ZNF33A: variants seen among roughly 807,000 people sequenced by gnomAD.
The protein encoded by ZNF33A is zinc finger protein 33A.
A neutral mutation model predicts 15.9 loss-of-function variants in ZNF33A; 9 were observed. The ratio of observed to expected loss-of-function variants is 0.57; its 90% CI spans 0.34 to 0.99. The LOEUF is 0.99. ZNF33A is among the 50% of genes least tolerant of loss of function. ZNF33A has a pLI of 0.02. For synonymous variants in ZNF33A, 294 were observed against 324.2 expected (o/e 0.91, Z 1.00); for missense variants, 843 against 941.6 (o/e 0.90, Z 1.37).
At chr10:38,014,925 G>A (rs2064378566) in intron 2 of ZNF33A, among the ~76,000 whole-genome samples, 1 of 152,014 alleles carries the variant, frequency 6.6e-6, no homozygotes, top group Admixed American at 6.6e-5. Context: ...CCAGGCTGGA[G>A]TGCAGTGGTA....
chr10:38,035,111 C>CTTTTTTTTTTTTTTT (rs71007683), intron 4 of ZNF33A, among the ~76,000 whole-genome samples: 1 of 85,772 alleles, frequency 1.2e-5, no homozygotes, highest in African/African-American at 5.0e-5. Context: ...CATTTACTTT[C>CTTTTTTTTTTTTTTT]TTTTTTTTTT....
rs141875237 is a variant in ZNF33A, at chr10:38,026,686, C to T, written c.250+9300C>T. ...TTTTATGTCATAGGTAAGAATCCATCAGCAAACCCAAAGTTTTCCTTATGT... is the reference window on the plus strand; with the variant it reads ...TTTTATGTCATAGGTAAGAATCCATTAGCAAACCCAAAGTTTTCCTTATGT... On this transcript the variant is annotated intron_variant, in intron 4 of 4. Transcript: ENST00000432900. Among the ~76,000 whole-genome samples, 10 of 152,288 alleles carry T rather than the reference C, an allele frequency of 6.6e-5. No individual in the cohort carries two copies. In the East Asian group the frequency reaches 9.7e-4, roughly 15 times the overall value.
intron 4 of ZNF33A, among the ~76,000 whole-genome samples, chr10:38,050,253 C>G (rs1415796242): frequency 6.6e-6 from 1 of 152,188 alleles, no homozygotes; most frequent in Non-Finnish European, 1.5e-5. Context: ...TTCAAAAACT[C>G]TAGGGATTGG....
At chr10:38,015,602 T>G (rs1485632297) in intron 2 of ZNF33A, among the ~76,000 whole-genome samples, 1 of 152,200 alleles carries the variant, frequency 6.6e-6, no homozygotes, top group Non-Finnish European at 1.5e-5. Context: ...ATTACAGGTG[T>G]GAGCCACCAT....
chr10:38,065,066 TTTTG>T (rs1459044651), downstream of ZNF33A: 1 of 152,468 alleles, frequency 6.6e-6, no homozygotes, highest in Non-Finnish European at 1.5e-5. Context: ...GAATGCAGTT[TTTTG>T]TTTGTTTATT....
At chr10:38,011,324 C>T (rs1386093713) in intron 1 of ZNF33A, among the ~76,000 whole-genome samples, 1 of 152,216 alleles carries the variant, frequency 6.6e-6, no homozygotes, top group South Asian at 2.1e-4. Context: ...GTGGCTCTCG[C>T]CTGTAATCCC....
downstream of ZNF33A, among the ~76,000 whole-genome samples, chr10:38,065,366 G>A (rs10827844): frequency 0.12 from 18,763 of 152,138 alleles, 1,298 homozygotes; most frequent in Admixed American, 0.19. Flanking sequence ...CACCGTGCTC[G>A]GCCAGGAATG....
chr10:38,031,396 C>A lies in ZNF33A; in HGVS notation c.250+14010C>A, dbSNP rs189671995. Among the ~76,000 whole-genome samples, 44 of 151,902 alleles carry A rather than the reference C, an allele frequency of 2.9e-4. No individual in the cohort carries two copies. The East Asian group carries it at 6.4e-3, about 22-fold the overall frequency. On this transcript the variant is annotated intron_variant, in intron 4 of 4. Coordinates refer to ENST00000432900, the MANE Select transcript of ZNF33A (RefSeq NM_006954.2). The stretch of plus-strand genomic sequence containing the variant: ...ACCAACCTGGGCAACATGGTGAAAA[C>A]CCATCTCTACAAAAAGTAAAGACAT...
intron 4 of ZNF33A, among the ~76,000 whole-genome samples, chr10:38,023,146 A>G (rs919119778): frequency 2.4e-4 from 36 of 152,266 alleles, no homozygotes; most frequent in Admixed American, 1.6e-3. Context: ...GGGTTTCACC[A>G]TATTGGCCAG....
rs974714833 is a variant in ZNF33A at position 38,059,835 on chromosome 10, C to T, written c.*3275C>T. The T allele has an allele frequency of 6.5e-6, 1 of 153,076 alleles. No individual in the cohort carries two copies. The highest frequency in any genetic ancestry group is 1.5e-5 in the Non-Finnish European group (1 of 68,886). 9.5% of individuals were successfully genotyped at this position (153,076 alleles called of 1,614,324 possible). On this transcript the variant is annotated 3_prime_UTR_variant, in exon 5 of 5. Transcript: ENST00000432900. The stretch of plus-strand genomic sequence containing the variant: ...GAAAACACAGAGTAAACCCTAATGT[C>T]AACTCTGGACTTCAGTTAATAATAA...
Position 38,012,320 on chromosome 10 carries a change from G to A in ZNF33A, c.-22G>A, listed in dbSNP as rs984418265. The A allele has an allele frequency of 2.5e-6, 4 of 1,612,470 alleles. No individual in the cohort carries two copies. Among genetic ancestry groups the A allele is most frequent in the East Asian group, 2.2e-5 (1 of 44,840 alleles). Reference sequence around the variant, plus strand: ...CAGCTGTATCTTCAGAGTTGTCTCCGTCTTTCCAAGAACAGAACAAAATGA... The same window carrying A: ...CAGCTGTATCTTCAGAGTTGTCTCCATCTTTCCAAGAACAGAACAAAATGA... On this transcript the variant is annotated 5_prime_UTR_variant, in exon 2 of 5. Coordinates refer to ENST00000432900, the MANE Select transcript of ZNF33A (RefSeq NM_006954.2).
At chr10:38,062,845 T>C (rs187583219), downstream of ZNF33A, among the ~76,000 whole-genome samples, 143 of 151,260 alleles carry the variant, frequency 9.5e-4, no homozygotes, top group Admixed American at 1.6e-3. Flanking sequence ...CTACTAAAAA[T>C]AGAAAAAGTT....
intron 4 of ZNF33A, 107 bp from the exon 5 acceptor site, chr10:38,054,268 T>A: frequency 8.2e-7 from 1 of 1,219,698 alleles, no homozygotes; most frequent in Non-Finnish European, 1.1e-6. Flanking sequence ...CTCTGGAAAC[T>A]GGCCAAAAAA....
At chr10:38,042,498 T>G (rs1488544787) in intron 4 of ZNF33A, among the ~76,000 whole-genome samples, 4 of 80,516 alleles carry the variant, frequency 5.0e-5, no homozygotes, top group Admixed American at 1.3e-4. Flanking sequence ...TTTTTTTGCT[T>G]TATTCTTTTT....
chr10:38,039,184 T>TG (rs930989949), intron 4 of ZNF33A, among the ~76,000 whole-genome samples: 1 of 60,044 alleles, frequency 1.7e-5, no homozygotes, highest in African/African-American at 6.6e-5. Context: ...CTTATGGACC[T>TG]GGGTTTTTTT....
chr10:38,015,019 C>T (rs1368373360), intron 2 of ZNF33A, among the ~76,000 whole-genome samples: 4 of 151,972 alleles, frequency 2.6e-5, no homozygotes, highest in Admixed American at 2.0e-4. Flanking sequence ...ATTACAGGCA[C>T]CTGCCACCAC....
intron 2 of ZNF33A, among the ~76,000 whole-genome samples, chr10:38,014,313 G>A (rs2064344726): frequency 6.6e-6 from 1 of 152,122 alleles, no homozygotes; most frequent in Non-Finnish European, 1.5e-5. Context: ...TGGGATTACA[G>A]GTGTGAGCCA....
chr10:38,036,937 C>G (rs766765727), intron 4 of ZNF33A, among the ~76,000 whole-genome samples: 40 of 152,128 alleles, frequency 2.6e-4, no homozygotes, highest in Non-Finnish European at 5.7e-4. Context: ...TGTTATTTGT[C>G]CTTTTATTGT....
intron 4 of ZNF33A, among the ~76,000 whole-genome samples, chr10:38,045,139 T>A (rs1190869371): frequency 2.6e-5 from 4 of 152,350 alleles, no homozygotes; most frequent in Admixed American, 2.6e-4. Context: ...GAATACTTTG[T>A]GCTTCCTCTA....
Sources: allele counts gnomAD v4.1 joint callset (sites outside exome capture counted in the v4.1 genomes callset), GRCh38; gene constraint gnomAD v4.1.1; transcripts MANE v1.5; gene names NCBI Gene and HGNC (gene_info 2026-07-23, HGNC 2026-07-21).